The following FARS2 variants were observed in gnomAD, a reference collection of about 807,000 sequenced individuals.
The protein encoded by FARS2 is phenylalanyl-tRNA synthetase 2, mitochondrial, also known as phenylalanine--tRNA ligase, mitochondrial.
FARS2 carries 40 observed loss-of-function variants against 46.4 expected under a neutral mutation model. That is an observed-to-expected ratio of 0.86 (90% CI 0.67 to 1.12). The LOEUF is 1.12. Among genes scored for constraint, FARS2 ranks in the 50% most tolerant of loss-of-function variants. The pLI is 0.00. For synonymous variants in FARS2, 234 were observed against 214.9 expected (o/e 1.09, Z -0.78); for missense variants, 513 against 567.9 (o/e 0.90, Z 0.98).
chr6:5,763,782 T>C (rs1167331867), intron 6 of FARS2, among the ~76,000 whole-genome samples: 1 of 151,794 alleles, frequency 6.6e-6, no homozygotes. Flanking sequence ...TTTTTTTTTT[T>C]TTTTAACATA....
At chr6:5,349,935 A>G in intron 1 of FARS2, among the ~76,000 whole-genome samples, 1 of 150,684 alleles carries the variant, frequency 6.6e-6, no homozygotes, top group Non-Finnish European at 1.5e-5. Context: ...TTTTCATCAC[A>G]GCGTATCATG....
intron 4 of FARS2, among the ~76,000 whole-genome samples, chr6:5,489,476 A>C (rs2150357854): frequency 6.6e-6 from 1 of 152,260 alleles, no homozygotes; most frequent in South Asian, 2.1e-4. Context: ...AAAATAAGAC[A>C]ATCATCAGAT....
At chr6:5,581,797 CCGG>C (rs1309735048) in intron 5 of FARS2, among the ~76,000 whole-genome samples, 4 of 152,070 alleles carry the variant, frequency 2.6e-5, no homozygotes, top group Middle Eastern at 3.2e-3. Context: ...TAACATACTT[CCGG>C]TTAATTCCTG....
intron 6 of FARS2, among the ~76,000 whole-genome samples, chr6:5,745,464 T>G (rs1210057604): frequency 6.6e-6 from 1 of 152,252 alleles, no homozygotes; most frequent in Non-Finnish European, 1.5e-5. Flanking sequence ...TTATTAGTTC[T>G]TTTCAAAGAC....
At chr6:5,526,909 G>A (rs553609147) in intron 4 of FARS2, among the ~76,000 whole-genome samples, 37 of 152,290 alleles carry the variant, frequency 2.4e-4, no homozygotes, top group East Asian at 3.9e-4. Flanking sequence ...GAGCCGCCAC[G>A]TCTGGCCTAT....
At chr6:5,377,707 A>T (rs1322777568) in intron 2 of FARS2, among the ~76,000 whole-genome samples, 1 of 152,180 alleles carries the variant, frequency 6.6e-6, no homozygotes, top group African/African-American at 2.4e-5. Context: ...ATATAAGAGC[A>T]ATATACCAAT....
intron 6 of FARS2, among the ~76,000 whole-genome samples, chr6:5,651,159 C>G (rs1343116695): frequency 6.6e-6 from 1 of 152,088 alleles, no homozygotes; most frequent in African/African-American, 2.4e-5. Flanking sequence ...AGCTGAAAAG[C>G]AGATGGAGAA....
At chr6:5,756,980 C>T (rs1762239961) in intron 6 of FARS2, among the ~76,000 whole-genome samples, 1 of 152,180 alleles carries the variant, frequency 6.6e-6, no homozygotes, top group Admixed American at 6.5e-5. Context: ...CCAGTAGCTT[C>T]TTCAAGGCAT....
intron 6 of FARS2, among the ~76,000 whole-genome samples, chr6:5,717,975 C>T (rs1161506775): frequency 1.4e-5 from 2 of 143,146 alleles, no homozygotes; most frequent in African/African-American, 2.8e-5. Context: ...AGTACAGTGG[C>T]GTGATCTCTG....
Position 5,719,929 on chromosome 6 carries a change from A to G in FARS2, c.1218-51362A>G, listed in dbSNP as rs568737889. Among the ~76,000 whole-genome samples the G allele has an allele frequency of 5.9e-5, 9 of 152,330 alleles. No individual in the cohort carries two copies. In the East Asian group the frequency reaches 7.7e-4, roughly 13 times the overall value. On this transcript the variant is annotated intron_variant, in intron 6 of 6. Transcript: ENST00000274680. ...GACACAAACCTGTTGTGGACTCTCT[A>G]TTATACCACAGAAATTGTTATAACC... is the stretch of plus-strand genomic sequence containing the variant.
intron 6 of FARS2, among the ~76,000 whole-genome samples, chr6:5,624,330 A>G (rs1411348037): frequency 6.6e-6 from 1 of 152,118 alleles, no homozygotes; most frequent in East Asian, 1.9e-4. Context: ...CAGTTTGTTC[A>G]GTCCCCAAAC....
At position 5,285,564 on chromosome 6, in the gene FARS2, C is replaced by T. The variant is rs372477830; in HGVS notation, c.-22+23904C>T. On this transcript the variant is annotated intron_variant, in intron 1 of 6. Coordinates refer to ENST00000274680, the MANE Select transcript of FARS2 (RefSeq NM_006567.5). ...CTCATCTTTGCACATGGTGGGTGCT[C>T]GCAGTTATTCCTTGAATGTAAGGCT... is the stretch of plus-strand genomic sequence containing the variant. Among the ~76,000 whole-genome samples, 14 of 152,284 alleles carry T rather than the reference C, an allele frequency of 9.2e-5. No homozygotes were observed. The South Asian group carries it at 1.5e-3, about 16-fold the overall frequency.
chr6:5,385,112 G>A (rs866618325), intron 2 of FARS2, among the ~76,000 whole-genome samples: 5 of 152,198 alleles, frequency 3.3e-5, no homozygotes, highest in Admixed American at 6.5e-5. Flanking sequence ...TTAGGACAGA[G>A]TTGTATTTAA....
intron 2 of FARS2, among the ~76,000 whole-genome samples, chr6:5,369,397 T>G (rs1040387204): frequency 6.6e-6 from 1 of 152,162 alleles, no homozygotes; most frequent in Non-Finnish European, 1.5e-5. Context: ...TTGGTAAGCC[T>G]TAGTTTCCAG....
intron 5 of FARS2, among the ~76,000 whole-genome samples, chr6:5,554,888 A>G (rs1190557107): frequency 6.6e-6 from 1 of 152,176 alleles, no homozygotes; most frequent in Non-Finnish European, 1.5e-5. Flanking sequence ...GCTAGATGCT[A>G]GAGTAAGGTG....
intron 6 of FARS2, among the ~76,000 whole-genome samples, chr6:5,671,013 A>C (rs1283870517): frequency 6.6e-6 from 1 of 152,242 alleles, no homozygotes; most frequent in African/African-American, 2.4e-5. Flanking sequence ...ATAATGAATA[A>C]TGAGTGTCAG....
chr6:5,621,523 CTT>C (rs1008148651), intron 6 of FARS2, among the ~76,000 whole-genome samples: 2 of 152,150 alleles, frequency 1.3e-5, no homozygotes, highest in African/African-American at 4.8e-5. Flanking sequence ...ACTCAGGAAA[CTT>C]TGATTGACTT....
intron 1 of FARS2, among the ~76,000 whole-genome samples, chr6:5,356,322 C>T (rs1311976204): frequency 2.6e-5 from 4 of 152,068 alleles, no homozygotes; most frequent in Non-Finnish European, 2.9e-5. Flanking sequence ...TGGTGGTGCA[C>T]GCCTGTAATC....
In FARS2 at chr6:5,501,590, G is replaced by A. The variant is rs183794458; in HGVS notation, c.905-43590G>A. Among the ~76,000 whole-genome samples, 218 of 152,158 alleles carry A rather than the reference G, an allele frequency of 1.4e-3. 1 individual carries two copies. Among genetic ancestry groups the A allele is most frequent in the African/African-American group, 5.0e-3 (207 of 41,518 alleles). ...CAGCTCACTGCAACCTCCACCTCCC[G>A]GTCTAGCAATCCTCATGGCTCAGCC... On this transcript the variant is annotated intron_variant, in intron 4 of 6. Transcript: ENST00000274680.
Sources: gnomAD v4.1 joint callset for allele counts (sites outside exome capture counted in the v4.1 genomes callset) on GRCh38, gnomAD v4.1.1 for gene constraint, MANE v1.5 for transcripts, NCBI Gene and HGNC (gene_info 2026-07-23, HGNC 2026-07-21) for gene names.